SHANK2: variants seen among roughly 807,000 people sequenced by gnomAD.
SHANK2 encodes the protein SH3 and multiple ankyrin repeat domains protein 2.
SHANK2 carries 43 observed loss-of-function variants against 133.7 expected under a neutral mutation model. The ratio of observed to expected loss-of-function variants is 0.32; its 90% CI spans 0.25 to 0.41. The LOEUF is 0.41. Among genes scored for constraint, SHANK2 ranks in the 10% least tolerant of loss-of-function variants. SHANK2 has a pLI of 1.00. For missense variants in SHANK2, 1,994 were observed against 2,235.8 expected, an observed-to-expected ratio of 0.89 and a Z score of 2.18; for synonymous variants, 1,017 against 952.8, an observed-to-expected ratio of 1.07 and a Z score of -1.24.
chr11:71,249,814 C>T lies in SHANK2; in HGVS notation c.-113+2611G>A, dbSNP rs150691380. Among the ~76,000 whole-genome samples, 37 of 152,266 alleles carry T rather than the reference C, an allele frequency of 2.4e-4. No individual in the cohort carries two copies. In the East Asian group the frequency reaches 5.8e-3, roughly 24 times the overall value. ...GTGTTTCTGTATACTGGTTAATTCCCGGCCCGTTTTTCTCTCCCATCCTTT... is the reference window on the plus strand; with the variant it reads ...GTGTTTCTGTATACTGGTTAATTCCTGGCCCGTTTTTCTCTCCCATCCTTT... On this transcript the variant is annotated intron_variant, in intron 1 of 25. Coordinates refer to ENST00000601538, the MANE Select transcript of SHANK2 (RefSeq NM_012309.5).
In SHANK2 at chr11:70,775,264, T is replaced by C. The variant is rs531748085; in HGVS notation, c.1777+23179A>G. 8.5e-5 allele frequency among the ~76,000 whole-genome samples: 13 copies of C among 152,300 alleles called. No homozygotes were observed. The East Asian group carries it at 2.5e-3, about 29-fold the overall frequency. Reference sequence around the variant, plus strand: ...CAAGGTCAGGAGTTCAAGACCAGCCTTGGCAACATGGTGAAACCCCGTCTC... The same window carrying C: ...CAAGGTCAGGAGTTCAAGACCAGCCCTGGCAACATGGTGAAACCCCGTCTC... On this transcript the variant is annotated intron_variant, in intron 14 of 25. Transcript: ENST00000601538.
chr11:70,853,849 G>C (rs1949128470), intron 11 of SHANK2, among the ~76,000 whole-genome samples: 1 of 152,154 alleles, frequency 6.6e-6, no homozygotes, highest in African/African-American at 2.4e-5. Flanking sequence ...GCCTTCGTCT[G>C]TGTGTGGCCT....
intron 17 of SHANK2, among the ~76,000 whole-genome samples, chr11:70,601,884 G>A (rs1206305698): frequency 1.3e-5 from 2 of 152,172 alleles, no homozygotes; most frequent in South Asian, 2.1e-4. Flanking sequence ...ACCAGAACAG[G>A]GGCAGCTGCA....
chr11:70,801,873 T>C (rs1948054097), intron 13 of SHANK2, among the ~76,000 whole-genome samples: 1 of 152,104 alleles, frequency 6.6e-6, no homozygotes, highest in Non-Finnish European at 1.5e-5. Context: ...AGAAAAATTG[T>C]CAAGGACCCT....
At chr11:71,154,455 GAA>G (rs1952859819) in intron 2 of SHANK2, among the ~76,000 whole-genome samples, 1 of 152,226 alleles carries the variant, frequency 6.6e-6, no homozygotes, top group African/African-American at 2.4e-5. Context: ...CAGCCGGGCA[GAA>G]GAGAGAAAGG....
intron 10 of SHANK2, among the ~76,000 whole-genome samples, chr11:70,917,241 G>A (rs1220163771): frequency 2.0e-5 from 3 of 152,146 alleles, no homozygotes; most frequent in African/African-American, 7.2e-5. Flanking sequence ...CATACATGCA[G>A]CTAATAATCA....
intron 14 of SHANK2, among the ~76,000 whole-genome samples, chr11:70,796,700 G>C (rs1947922060): frequency 6.6e-6 from 1 of 152,212 alleles, no homozygotes; most frequent in South Asian, 2.1e-4. Context: ...CAGTGTGATT[G>C]CTGCCCAGTG....
chr11:70,576,662 C>A (rs1275547023), intron 17 of SHANK2, among the ~76,000 whole-genome samples: 1 of 152,054 alleles, frequency 6.6e-6, no homozygotes, highest in Non-Finnish European at 1.5e-5. Context: ...AAACAAAAAA[C>A]CCCACACTCC....
At chr11:70,613,971 G>A (rs935284923) in intron 17 of SHANK2, among the ~76,000 whole-genome samples, 1 of 152,030 alleles carries the variant, frequency 6.6e-6, no homozygotes, top group Admixed American at 6.6e-5. Context: ...TACTATGTTG[G>A]CCAAGCTAGT....
intron 3 of SHANK2, among the ~76,000 whole-genome samples, chr11:71,120,213 G>C (rs1375160792): frequency 6.6e-6 from 1 of 152,200 alleles, no homozygotes; most frequent in African/African-American, 2.4e-5. Flanking sequence ...AGACTCACCA[G>C]TGAGCCAGGA....
At chr11:70,525,110 C>G in intron 17 of SHANK2, among the ~76,000 whole-genome samples, 1 of 152,382 alleles carries the variant, frequency 6.6e-6, no homozygotes, top group Non-Finnish European at 1.5e-5. Flanking sequence ...GCGACACTTA[C>G]AGTACCCATG....
At chr11:70,682,341 T>C (rs559114627) in intron 15 of SHANK2, among the ~76,000 whole-genome samples, 3 of 152,198 alleles carry the variant, frequency 2.0e-5, no homozygotes, top group Admixed American at 1.3e-4. Context: ...TGCAGGATGC[T>C]GTGTGGCGGA....
At chr11:70,495,878 A>C (rs1336684303) in intron 21 of SHANK2, 3 of 163,776 alleles carry the variant, frequency 1.8e-5, no homozygotes, top group Non-Finnish European at 2.8e-5. Context: ...CAGACAGGGA[A>C]GGGTGCCTTC....
rs782343211 is a variant in SHANK2, at chr11:70,537,602, C to A, written c.2062-34671G>T. On this transcript the variant is annotated intron_variant, in intron 17 of 25. Coordinates refer to ENST00000601538, the MANE Select transcript of SHANK2 (RefSeq NM_012309.5). ...CACACCTGGCTGCAGCCCTGTGAGG[C>A]TGCTGTCTGACTTCTGGCTCCCAGG... Among the ~76,000 whole-genome samples, 9 of 152,240 alleles carry A rather than the reference C, an allele frequency of 5.9e-5. 1 individual carries two copies.
At chr11:70,821,856 TG>T (rs1201002166) in intron 11 of SHANK2, among the ~76,000 whole-genome samples, 1 of 152,070 alleles carries the variant, frequency 6.6e-6, no homozygotes, top group African/African-American at 2.4e-5. Context: ...TCCCATCAAG[TG>T]GGGACTGTGT....
intron 11 of SHANK2, among the ~76,000 whole-genome samples, chr11:70,868,782 C>T (rs12279630): frequency 2.7e-3 from 413 of 152,322 alleles, no homozygotes; most frequent in African/African-American, 9.5e-3. Flanking sequence ...ACACAACATG[C>T]GGCCTCCTCA....
At chr11:71,237,342 A>G (rs1397101425) in intron 1 of SHANK2, among the ~76,000 whole-genome samples, 1 of 152,110 alleles carries the variant, frequency 6.6e-6, no homozygotes, top group Non-Finnish European at 1.5e-5. Context: ...TTTTATAAGT[A>G]AAGTTTTTAT....
chr11:70,501,106 C>T (rs1237781395), intron 20 of SHANK2, among the ~76,000 whole-genome samples: 4 of 151,796 alleles, frequency 2.6e-5, no homozygotes, highest in African/African-American at 9.7e-5. Flanking sequence ...TCACCTCCTC[C>T]GTCGCCTGTG....
chr11:70,581,097 T>C (rs911812399), intron 17 of SHANK2, among the ~76,000 whole-genome samples: 2 of 152,328 alleles, frequency 1.3e-5, no homozygotes, highest in Admixed American at 6.5e-5. Flanking sequence ...GGACCAAGAA[T>C]AGATTAAGGT....
Sources: gnomAD v4.1 joint callset for allele counts (sites outside exome capture counted in the v4.1 genomes callset) on GRCh38, gnomAD v4.1.1 for gene constraint, MANE v1.5 for transcripts, NCBI Gene and HGNC (gene_info 2026-07-23, HGNC 2026-07-21) for gene names.